RALYL: variants seen among roughly 807,000 people sequenced by gnomAD.
The protein encoded by RALYL is RNA-binding Raly-like protein.
RALYL carries 29 observed loss-of-function variants against 35.1 expected under a neutral mutation model. That is an observed-to-expected ratio of 0.83 (90% CI 0.61 to 1.13). The LOEUF (loss-of-function observed/expected upper bound fraction) is 1.13, where lower values mean the gene tolerates loss of function less well. RALYL is among the 50% of genes most tolerant of loss of function. The pLI is 0.00. For missense variants in RALYL, 359 were observed against 360.4 expected (o/e 1.00, Z 0.03); for synonymous variants, 120 against 127.6 (o/e 0.94, Z 0.40).
At chr8:84,414,465 G>A (rs904168686) in intron 1 of RALYL, among the ~76,000 whole-genome samples, 2 of 152,140 alleles carry the variant, frequency 1.3e-5, no homozygotes, top group African/African-American at 4.8e-5. Context: ...GGGAATTAAA[G>A]AAGAGGTAAA....
At chr8:84,336,748 A>G (rs1847877389) in intron 1 of RALYL, among the ~76,000 whole-genome samples, 2 of 152,050 alleles carry the variant, frequency 1.3e-5, no homozygotes, top group African/African-American at 4.8e-5. Flanking sequence ...AACAGTTTAT[A>G]CAGAGCCACA....
intron 1 of RALYL, among the ~76,000 whole-genome samples, chr8:84,444,358 A>G (rs1156261202): frequency 6.6e-6 from 1 of 152,070 alleles, no homozygotes; most frequent in African/African-American, 2.4e-5. Context: ...CAAAAAAACA[A>G]CAATGAAAAA....
chr8:84,505,444 T>C (rs1272717464), intron 1 of RALYL, among the ~76,000 whole-genome samples: 2 of 152,178 alleles, frequency 1.3e-5, no homozygotes, highest in African/African-American at 2.4e-5. Flanking sequence ...GCCATACATA[T>C]TATTTACCAA....
chr8:84,800,992 A>T (rs1823114243), intron 3 of RALYL, among the ~76,000 whole-genome samples: 1 of 152,154 alleles, frequency 6.6e-6, no homozygotes, highest in African/African-American at 2.4e-5. Flanking sequence ...GTTGGCTATG[A>T]TGTTTGCTAT....
At chr8:84,472,004 A>G (rs2052827454) in intron 1 of RALYL, among the ~76,000 whole-genome samples, 1 of 152,208 alleles carries the variant, frequency 6.6e-6, no homozygotes, top group Non-Finnish European at 1.5e-5. Context: ...GAACTGCAAA[A>G]TTCTCAGTAG....
chr8:84,668,486 A>G (rs887503893), intron 2 of RALYL, among the ~76,000 whole-genome samples: 19 of 152,092 alleles, frequency 1.2e-4, no homozygotes, highest in African/African-American at 4.1e-4. Flanking sequence ...GTGGAAAGGT[A>G]GTAGATCCAG....
At chr8:84,442,225 A>C (rs1476563847) in intron 1 of RALYL, among the ~76,000 whole-genome samples, 1 of 152,114 alleles carries the variant, frequency 6.6e-6, no homozygotes, top group Non-Finnish European at 1.5e-5. Context: ...AATATGAAAA[A>C]AGATTATAAA....
chr8:84,586,047 T>C (rs1811924287), intron 2 of RALYL, among the ~76,000 whole-genome samples: 1 of 151,820 alleles, frequency 6.6e-6, no homozygotes, highest in Non-Finnish European at 1.5e-5. Context: ...ATGCAAAAAT[T>C]AGCTGGGCGT....
intron 2 of RALYL, among the ~76,000 whole-genome samples, chr8:84,732,979 A>G (rs1846532392): frequency 6.6e-6 from 1 of 151,972 alleles, no homozygotes; most frequent in Non-Finnish European, 1.5e-5. Flanking sequence ...TACAGGCATG[A>G]GCCACCATGC....
intron 1 of RALYL, among the ~76,000 whole-genome samples, chr8:84,300,374 A>G (rs1432833492): frequency 6.6e-6 from 1 of 151,734 alleles, no homozygotes; most frequent in Non-Finnish European, 1.5e-5. Flanking sequence ...TGTGGTTTTT[A>G]GAGTATGTGC....
At chr8:84,764,418 A>C in intron 2 of RALYL, among the ~76,000 whole-genome samples, 1 of 152,236 alleles carries the variant, frequency 6.6e-6, no homozygotes, top group Non-Finnish European at 1.5e-5. Context: ...CCTTTGAATG[A>C]AATATATAAT....
chr8:84,699,949 T>C (rs1414658986), intron 2 of RALYL, among the ~76,000 whole-genome samples: 2 of 152,206 alleles, frequency 1.3e-5, no homozygotes, highest in Non-Finnish European at 2.9e-5. Context: ...CTTTTAAGTA[T>C]AATCGCTAGG....
intron 2 of RALYL, among the ~76,000 whole-genome samples, chr8:84,645,048 C>G (rs1482780265): frequency 1.3e-5 from 2 of 151,946 alleles, no homozygotes; most frequent in African/African-American, 4.8e-5. Flanking sequence ...CTGCACCTGG[C>G]CAAGTTTTTC....
At chr8:84,822,285 GC>G (rs1199086328) in intron 4 of RALYL, among the ~76,000 whole-genome samples, 1 of 152,120 alleles carries the variant, frequency 6.6e-6, no homozygotes, top group African/African-American at 2.4e-5. Context: ...CCCATGGCAG[GC>G]TAAGCACTCC....
At chr8:84,216,982 A>G (rs7834996) in intron 1 of RALYL, among the ~76,000 whole-genome samples, 2,049 of 152,220 alleles carry the variant, frequency 0.013, 45 homozygotes, top group African/African-American at 0.046. Context: ...AATTGGAACT[A>G]GCTTACATCT....
intron 1 of RALYL, among the ~76,000 whole-genome samples, chr8:84,248,867 CAA>C (rs1281375507): frequency 6.6e-6 from 1 of 152,008 alleles, no homozygotes; most frequent in African/African-American, 2.4e-5. Context: ...AGAAAATCAA[CAA>C]AGTCTTCAGA....
chr8:84,195,382 G>A (rs975868058), intron 1 of RALYL, among the ~76,000 whole-genome samples: 1 of 152,116 alleles, frequency 6.6e-6, no homozygotes, highest in African/African-American at 2.4e-5. Context: ...AGAGGTTGCA[G>A]TGAGCCAAGA....
chr8:84,503,353 T>C (rs541775042), intron 1 of RALYL, among the ~76,000 whole-genome samples: 5 of 150,388 alleles, frequency 3.3e-5, no homozygotes, highest in African/African-American at 1.2e-4. Flanking sequence ...AGACAGGGTA[T>C]CACTATGTTG....
At chr8:84,247,545 A>G (rs1829353840) in intron 1 of RALYL, among the ~76,000 whole-genome samples, 1 of 151,876 alleles carries the variant, frequency 6.6e-6, no homozygotes, top group Non-Finnish European at 1.5e-5. Flanking sequence ...AAAAAAAAAA[A>G]GAAAAAAAAA....
Sources: gnomAD v4.1 joint callset for allele counts (sites outside exome capture counted in the v4.1 genomes callset) on GRCh38, gnomAD v4.1.1 for gene constraint, MANE v1.5 for transcripts, NCBI Gene and HGNC (gene_info 2026-07-23, HGNC 2026-07-21) for gene names.